FRMPD4: variants seen among roughly 807,000 people sequenced by gnomAD.
The protein encoded by FRMPD4 is FERM and PDZ domain containing 4.
A neutral mutation model predicts 94.1 loss-of-function variants in FRMPD4; 22 were observed. The ratio of observed to expected loss-of-function variants is 0.23; its 90% CI spans 0.17 to 0.33. FRMPD4 has a LOEUF of 0.33. FRMPD4 is among the 10% of genes least tolerant of loss of function. FRMPD4 has a pLI of 1.00. For synonymous variants in FRMPD4, 631 were observed against 548.6 expected (o/e 1.15, Z -2.10); for missense variants, 1,111 against 1,339.9 (o/e 0.83, Z 2.67).
chrX:12,005,108 A>G (rs1786785214), intron 3 of FRMPD4, among the ~76,000 whole-genome samples: 1 of 112,007 alleles, frequency 8.9e-6, no homozygotes, highest in Admixed American at 9.5e-5. Context: ...ATTAGAGTTA[A>G]GCCTTAGTAA....
At chrX:12,510,332 A>G (rs1447039808) in intron 2 of FRMPD4, among the ~76,000 whole-genome samples, 1 of 112,467 alleles carries the variant, frequency 8.9e-6, no homozygotes, top group Non-Finnish European at 1.9e-5. Context: ...TAATGTATCA[A>G]TATTGGTTCA....
chrX:12,461,734 C>A lies in FRMPD4; in HGVS notation c.42-36946C>A, dbSNP rs185098479. Among the ~76,000 whole-genome samples the A allele has an allele frequency of 4.7e-3, 522 of 111,471 alleles. 1 individual carries two copies. The highest frequency in any genetic ancestry group is 0.016 in the African/African-American group (497 of 30,713). ...CTTAAATGGGAGTGGGGGTTTCAAA[C>A]CCAGGCTTCATGACTGCAAAATTTG... On this transcript the variant is annotated intron_variant, in intron 1 of 16. Transcript: ENST00000675598.
At chrX:12,350,437 A>G (rs900981275) in intron 1 of FRMPD4, among the ~76,000 whole-genome samples, 9 of 112,041 alleles carry the variant, frequency 8.0e-5, no homozygotes, top group Non-Finnish European at 1.7e-4. Flanking sequence ...ATAAAGCACC[A>G]GATTCATTTG....
At chrX:11,977,326 T>G (rs2054372552) in intron 3 of FRMPD4, among the ~76,000 whole-genome samples, 1 of 112,481 alleles carries the variant, frequency 8.9e-6, no homozygotes, top group African/African-American at 3.2e-5. Flanking sequence ...TGATGCGTAC[T>G]GAGAACAATC....
chrX:11,861,510 A>T (rs751796873), intron 1 of FRMPD4, among the ~76,000 whole-genome samples: 2 of 112,194 alleles, frequency 1.8e-5, no homozygotes, highest in Non-Finnish European at 3.8e-5. Context: ...CTGGATAGAT[A>T]GTAAGCACCA....
intron 3 of FRMPD4, among the ~76,000 whole-genome samples, chrX:12,126,772 C>T (rs1190342588): frequency 2.7e-5 from 3 of 111,787 alleles, no homozygotes; most frequent in Non-Finnish European, 5.6e-5. Flanking sequence ...GCCAACCATC[C>T]TAATTCCATC....
chrX:12,301,801 G>A (rs778692783), intron 1 of FRMPD4, among the ~76,000 whole-genome samples: 4 of 112,110 alleles, frequency 3.6e-5, no homozygotes, highest in Non-Finnish European at 5.6e-5. Flanking sequence ...CAGATACCAT[G>A]TTGGAGAATG....
At chrX:12,222,220 G>A (rs925129555) in intron 1 of FRMPD4, among the ~76,000 whole-genome samples, 1 of 111,668 alleles carries the variant, frequency 9.0e-6, no homozygotes, top group African/African-American at 3.3e-5. Context: ...TTAAAATCAT[G>A]TTCTTAAGAT....
intron 1 of FRMPD4, among the ~76,000 whole-genome samples, chrX:12,335,895 G>A (rs761489803): frequency 1.8e-5 from 2 of 111,815 alleles, no homozygotes; most frequent in African/African-American, 3.3e-5. Context: ...CATTTATTTC[G>A]CCTCAATCAC....
At chrX:12,085,733 G>A (rs1240078433) in intron 3 of FRMPD4, among the ~76,000 whole-genome samples, 3 of 109,771 alleles carry the variant, frequency 2.7e-5, no homozygotes, top group African/African-American at 1.0e-4. Context: ...TTAGCCAGGG[G>A]TGGTGTGCAC....
chrX:12,189,226 A>T (rs1480951226), intron 1 of FRMPD4, among the ~76,000 whole-genome samples: 1 of 111,770 alleles, frequency 8.9e-6, no homozygotes, highest in African/African-American at 3.2e-5. Context: ...ATACAAGAAA[A>T]AATAGACAAA....
intron 1 of FRMPD4, among the ~76,000 whole-genome samples, chrX:12,331,962 T>C (rs1376457007): frequency 3.5e-5 from 2 of 57,928 alleles, no homozygotes; most frequent in African/African-American, 1.7e-4. Flanking sequence ...ATATACTATA[T>C]ATAAATTATA....
chrX:12,678,228 G>T (rs1337010301), intron 5 of FRMPD4, among the ~76,000 whole-genome samples: 1 of 112,316 alleles, frequency 8.9e-6, no homozygotes, highest in Non-Finnish European at 1.9e-5. Flanking sequence ...CCATCACTGG[G>T]CCTTTCACAT....
rs1448761774 is a variant in FRMPD4 at position 12,092,403 on chromosome X, C to A, written c.95+214385C>A. Among the ~76,000 whole-genome samples, 2 of 111,907 alleles carry A rather than the reference C, an allele frequency of 1.8e-5. 1 individual carries two copies. Among genetic ancestry groups the A allele is most frequent in the Middle Eastern group, 8.4e-3 (2 of 238 alleles). ...TCAGGAAATAAGGTCAATGGTCAAC[C>A]CCATGCCTTCCCTGTTGATAATAGC... is the stretch of plus-strand genomic sequence containing the variant. On this transcript the variant is annotated intron_variant, in intron 3 of 18. Transcript: ENST00000640291.
intron 1 of FRMPD4, among the ~76,000 whole-genome samples, chrX:12,467,183 CA>C (rs34527820): frequency 0.031 from 2,528 of 81,211 alleles, 71 homozygotes; most frequent in African/African-American, 0.098. Flanking sequence ...AATGTAGTCT[CA>C]AAAAAAAAAA....
At chrX:11,971,800 T>C (rs1412582983) in intron 3 of FRMPD4, among the ~76,000 whole-genome samples, 2 of 112,379 alleles carry the variant, frequency 1.8e-5, no homozygotes, top group Non-Finnish European at 3.8e-5. Flanking sequence ...AAGAATGAGA[T>C]AAAAACGCCA....
At chrX:11,903,223 G>C (rs764861883) in intron 3 of FRMPD4, among the ~76,000 whole-genome samples, 75 of 112,468 alleles carry the variant, frequency 6.7e-4, no homozygotes, top group African/African-American at 2.4e-3. Context: ...TTTTGTGTCA[G>C]TATTGAGCAT....
At chrX:12,290,634 T>G (rs2054670687) in intron 1 of FRMPD4, among the ~76,000 whole-genome samples, 1 of 112,169 alleles carries the variant, frequency 8.9e-6, no homozygotes, top group Non-Finnish European at 1.9e-5. Flanking sequence ...GAGACACACA[T>G]GTATTTTCTT....
intron 3 of FRMPD4, among the ~76,000 whole-genome samples, chrX:12,039,357 G>T (rs1393777514): frequency 9.2e-6 from 1 of 109,226 alleles, no homozygotes; most frequent in African/African-American, 3.3e-5. Context: ...ATTGGTTTGA[G>T]ATTTTTATTT....
Sources: gnomAD v4.1 joint callset for allele counts (sites outside exome capture counted in the v4.1 genomes callset) on GRCh38, gnomAD v4.1.1 for gene constraint, MANE v1.5 for transcripts, NCBI Gene and HGNC (gene_info 2026-07-23, HGNC 2026-07-21) for gene names.